The following ZNF407 variants were observed in gnomAD, a reference collection of about 807,000 sequenced individuals.
The protein encoded by ZNF407 is zinc finger protein 407.
In ZNF407, 17 loss-of-function variants were observed where a neutral mutation model predicts 131.2. The observed-to-expected ratio is 0.13, with a 90% CI of 0.09 to 0.19. The LOEUF (loss-of-function observed/expected upper bound fraction) is 0.19. Among genes scored for constraint, ZNF407 ranks in the 10% least tolerant of loss-of-function variants. The probability of loss-of-function intolerance (pLI) is 1.00; values close to 1 mark genes in which losing one functional copy is unlikely to be tolerated. For synonymous variants in ZNF407, 1,156 were observed against 1,062.0 expected (o/e 1.09, Z -1.72); for missense variants, 2,681 against 2,830.6 (o/e 0.95, Z 1.20).
At chr18:74,812,531 A>G (rs1970211559) in intron 4 of ZNF407, among the ~76,000 whole-genome samples, 1 of 152,146 alleles carries the variant, frequency 6.6e-6, no homozygotes, top group Middle Eastern at 3.4e-3. Context: ...TTGGTTTTCA[A>G]CACATTGATT....
At chr18:74,795,981 A>C (rs1014574307) in intron 4 of ZNF407, among the ~76,000 whole-genome samples, 1 of 152,262 alleles carries the variant, frequency 6.6e-6, no homozygotes, top group Non-Finnish European at 1.5e-5. Flanking sequence ...CCCTTGCAGC[A>C]CATGAACGAG....
intron 1 of ZNF407, among the ~76,000 whole-genome samples, chr18:74,599,072 G>C (rs1020194190): frequency 3.3e-5 from 5 of 152,238 alleles, no homozygotes; most frequent in South Asian, 2.1e-4. Context: ...TGTAGACAGG[G>C]GCCCTAACAT....
intron 3 of ZNF407, among the ~76,000 whole-genome samples, chr18:74,671,734 TC>T (rs955135717): frequency 2.4e-4 from 37 of 152,296 alleles, no homozygotes; most frequent in African/African-American, 8.2e-4. Flanking sequence ...TGCCACAAAA[TC>T]CCTTTTGTGT....
intron 4 of ZNF407, among the ~76,000 whole-genome samples, chr18:74,861,917 T>A (rs1044384179): frequency 6.6e-6 from 1 of 152,228 alleles, no homozygotes; most frequent in African/African-American, 2.4e-5. Context: ...TAATTCTGAA[T>A]TTATGACTTT....
intron 2 of ZNF407, among the ~76,000 whole-genome samples, chr18:74,638,543 A>G (rs1355787818): frequency 2.0e-5 from 3 of 152,206 alleles, no homozygotes; most frequent in Admixed American, 1.3e-4. Context: ...ATGCATAGCA[A>G]TAGTCATGAC....
At chr18:74,743,496 T>A (rs529384975) in intron 3 of ZNF407, among the ~76,000 whole-genome samples, 1 of 152,008 alleles carries the variant, frequency 6.6e-6, no homozygotes, top group Non-Finnish European at 1.5e-5. Flanking sequence ...ATTCTGAGAG[T>A]TTTAAAATTA....
chr18:74,776,852 A>T (rs1201801243), intron 3 of ZNF407, among the ~76,000 whole-genome samples: 2 of 152,226 alleles, frequency 1.3e-5, no homozygotes, highest in Non-Finnish European at 2.9e-5. Context: ...CGTTATTAAG[A>T]TAATCATAGG....
Position 74,635,029 on chromosome 18 carries a change from A to T in ZNF407, c.4010A>T (p.Tyr1337Phe). The T allele has an allele frequency of 6.2e-7, 1 of 1,614,002 alleles. No individual in the cohort carries two copies. Among genetic ancestry groups the T allele is most frequent in the South Asian group, 1.1e-5 (1 of 91,084 alleles). Residue 1337 changes from tyrosine to phenylalanine, a missense_variant, in exon 2 of 9, where the codon TAT becomes TTT. Tyr to Phe is a conservative substitution (Grantham distance 22). This residue lies in a region of ZNF407 where 1,789 missense variants were observed against 1,748.7 expected (regional missense o/e 1.02). Transcript: ENST00000299687. The surrounding 1 kb of genome is among the most constrained non-coding windows in gnomAD (Gnocchi z 4.7). ...SDSTVESSDV[Y>F]ETIISIDDKG... is the part of the protein sequence containing the mutation. Reference sequence around the variant, plus strand: ...AGCACAGTTGAAAGTAGTGATGTCTATGAAACTATAATTAGTATTGATGAT... The same window carrying T: ...AGCACAGTTGAAAGTAGTGATGTCTTTGAAACTATAATTAGTATTGATGAT...
intron 3 of ZNF407, among the ~76,000 whole-genome samples, chr18:74,747,144 C>T (rs1030127517): frequency 6.7e-5 from 5 of 74,546 alleles, no homozygotes; most frequent in Non-Finnish European, 1.5e-4. Flanking sequence ...TGCTCACATT[C>T]GTTTCTAGTT....
chr18:74,701,501 C>T (rs1599081002), intron 3 of ZNF407, among the ~76,000 whole-genome samples: 1 of 152,282 alleles, frequency 6.6e-6, no homozygotes, highest in Non-Finnish European at 1.5e-5. Flanking sequence ...GACAGACAGG[C>T]ACAAGTCATA....
chr18:75,036,232 C>G (rs1381162166), intron 8 of ZNF407, among the ~76,000 whole-genome samples: 7 of 151,902 alleles, frequency 4.6e-5, no homozygotes, highest in Non-Finnish European at 2.9e-5. Context: ...AGATGTATTG[C>G]AGTAGTGATG....
At chr18:74,981,465 G>A (rs920677320) in intron 8 of ZNF407, among the ~76,000 whole-genome samples, 12 of 152,200 alleles carry the variant, frequency 7.9e-5, no homozygotes, top group African/African-American at 2.4e-4. Flanking sequence ...AGAAGCTTAC[G>A]ATCTGTTCCT....
At chr18:74,710,454 G>A (rs968473161) in intron 3 of ZNF407, among the ~76,000 whole-genome samples, 3 of 152,104 alleles carry the variant, frequency 2.0e-5, no homozygotes, top group Admixed American at 6.5e-5. Context: ...TAAAATACGC[G>A]AGCAGTGTAG....
intron 3 of ZNF407, among the ~76,000 whole-genome samples, chr18:74,650,871 T>C (rs1044808742): frequency 6.6e-6 from 1 of 152,220 alleles, no homozygotes; most frequent in Non-Finnish European, 1.5e-5. Context: ...TAATAAATTA[T>C]TGAGAACTAC....
At chr18:74,871,878 T>TC (rs1971092187) in intron 4 of ZNF407, among the ~76,000 whole-genome samples, 4 of 151,842 alleles carry the variant, frequency 2.6e-5, no homozygotes, top group Admixed American at 2.6e-4. Context: ...TTTTTTTTTT[T>TC]TGAAACAGAG....
At chr18:74,659,394 C>G (rs1310659960) in intron 3 of ZNF407, among the ~76,000 whole-genome samples, 5 of 152,032 alleles carry the variant, frequency 3.3e-5, no homozygotes, top group African/African-American at 1.2e-4. Flanking sequence ...AAAAAAGATA[C>G]ATTTATGTTT....
intron 2 of ZNF407, among the ~76,000 whole-genome samples, chr18:74,639,979 C>T (rs747668431): frequency 1.1e-4 from 16 of 151,912 alleles, no homozygotes; most frequent in Non-Finnish European, 1.6e-4. Context: ...TTAAAGTTCA[C>T]ATATTTCGTG....
At chr18:75,056,198 T>C (rs1973560123) in intron 8 of ZNF407, among the ~76,000 whole-genome samples, 1 of 152,242 alleles carries the variant, frequency 6.6e-6, no homozygotes, top group African/African-American at 2.4e-5. Context: ...TAAATCTCAC[T>C]AGTTTAGCTA....
intron 4 of ZNF407, among the ~76,000 whole-genome samples, chr18:74,872,556 G>A (rs1971102051): frequency 6.6e-6 from 1 of 151,966 alleles, no homozygotes; most frequent in Non-Finnish European, 1.5e-5. Context: ...GAGGTCAGGA[G>A]ATGGAGACCA....
Sources: allele counts gnomAD v4.1 joint callset (sites outside exome capture counted in the v4.1 genomes callset), GRCh38; gene constraint gnomAD v4.1.1; regional missense constraint gnomAD v4.1.1; non-coding constraint Gnocchi (gnomAD v3.1); transcripts MANE v1.5; gene names NCBI Gene and HGNC (gene_info 2026-07-23, HGNC 2026-07-21).